The following BNC2 variants were observed in gnomAD, a reference collection of about 807,000 sequenced individuals.
The protein encoded by BNC2 is zinc finger protein basonuclin-2.
A neutral mutation model predicts 76.3 loss-of-function variants in BNC2; 20 were observed. The observed-to-expected ratio is 0.26, with a 90% CI of 0.18 to 0.38. The LOEUF (loss-of-function observed/expected upper bound fraction) is 0.38, where lower values mean the gene tolerates loss of function less well. Ranked by LOEUF, BNC2 falls within the 10% of genes least tolerant of loss-of-function variation. The pLI, the probability that BNC2 is intolerant of heterozygous loss-of-function variation, is 1.00. For missense variants in BNC2, 1,382 were observed against 1,399.8 expected (o/e 0.99, Z 0.20); for synonymous variants, 582 against 514.8 (o/e 1.13, Z -1.77).
At chr9:16,519,307 T>C (rs2132047824) in intron 5 of BNC2, among the ~76,000 whole-genome samples, 1 of 152,314 alleles carries the variant, frequency 6.6e-6, no homozygotes, top group South Asian at 2.1e-4. Flanking sequence ...GGAGTAGCCC[T>C]AGTTGAATGG....
At chr9:16,630,746 T>A (rs1821136890) in intron 3 of BNC2, among the ~76,000 whole-genome samples, 1 of 121,508 alleles carries the variant, frequency 8.2e-6, no homozygotes, top group Non-Finnish European at 1.6e-5. Flanking sequence ...ATGTGGAGCG[T>A]TTCTTTTTTT....
At chr9:16,532,748 T>C (rs1437238072) in intron 5 of BNC2, among the ~76,000 whole-genome samples, 1 of 152,270 alleles carries the variant, frequency 6.6e-6, no homozygotes, top group Non-Finnish European at 1.5e-5. Flanking sequence ...TTTACTATTA[T>C]CTGTGCTCTG....
intron 1 of BNC2, among the ~76,000 whole-genome samples, chr9:16,838,590 A>G (rs1358478843): frequency 1.3e-5 from 2 of 152,196 alleles, no homozygotes; most frequent in South Asian, 2.1e-4. Flanking sequence ...TTGTTACCTC[A>G]AATGTTTTAG....
At chr9:16,698,699 A>AC (rs1457206961) in intron 3 of BNC2, among the ~76,000 whole-genome samples, 1 of 152,186 alleles carries the variant, frequency 6.6e-6, no homozygotes, top group Admixed American at 6.5e-5. Flanking sequence ...CATCTCAAAA[A>AC]AAAAAGCCAT....
In BNC2 at chr9:16,422,806, C is replaced by A. The variant is rs555147222; in HGVS notation, c.2640-3157G>T. Among the ~76,000 whole-genome samples, 10 of 152,324 alleles carry A rather than the reference C, an allele frequency of 6.6e-5. No individual in the cohort carries two copies. In the East Asian group the frequency reaches 1.9e-3, roughly 29 times the overall value. ...TCTCCAAAGAAGGGACAAAAGACAG[C>A]ACTTGATTTTAACAAAGACCTATTG... is the stretch of plus-strand genomic sequence containing the variant. On this transcript the variant is annotated intron_variant, in intron 6 of 6. Transcript: ENST00000380672.
chr9:16,776,045 G>T (rs181179842), intron 1 of BNC2, among the ~76,000 whole-genome samples: 1 of 152,260 alleles, frequency 6.6e-6, no homozygotes, highest in East Asian at 1.9e-4. Context: ...GCACTTCTAC[G>T]CTGACTTTCA....
intron 4 of BNC2, among the ~76,000 whole-genome samples, chr9:16,575,700 G>A (rs1372765490): frequency 1.3e-5 from 2 of 152,102 alleles, no homozygotes; most frequent in African/African-American, 4.8e-5. Context: ...GTGCCCTCAG[G>A]TCAAGCCCAA....
At chr9:16,429,880 C>T (rs772820825) in intron 6 of BNC2, 1 of 486,330 alleles carries the variant, frequency 2.1e-6, no homozygotes. Context: ...ACGAGCTTGT[C>T]TTGCATCCAG....
At chr9:16,593,531 C>CGT (rs60449137) in intron 3 of BNC2, among the ~76,000 whole-genome samples, 14,998 of 150,968 alleles carry the variant, frequency 0.099, 989 homozygotes, top group African/African-American at 0.19. Flanking sequence ...CTTTGGAGTG[C>CGT]GTGTGTGTGT....
chr9:16,721,531 C>G (rs904796170), intron 3 of BNC2, among the ~76,000 whole-genome samples: 1 of 152,110 alleles, frequency 6.6e-6, no homozygotes, highest in African/African-American at 2.4e-5. Flanking sequence ...ATCTTCTGAC[C>G]AAGGTCTGGA....
At chr9:16,583,976 A>G (rs1819700318) in intron 3 of BNC2, among the ~76,000 whole-genome samples, 1 of 152,184 alleles carries the variant, frequency 6.6e-6, no homozygotes, top group Non-Finnish European at 1.5e-5. Context: ...ATGAATAAAA[A>G]CCTATGTTTA....
chr9:16,755,462 A>G (rs1825356653), intron 1 of BNC2, among the ~76,000 whole-genome samples: 1 of 152,172 alleles, frequency 6.6e-6, no homozygotes, highest in Non-Finnish European at 1.5e-5. Flanking sequence ...GAAAGTGTCG[A>G]CCACTGCTGC....
At chr9:16,788,718 T>C (rs966689909) in intron 1 of BNC2, among the ~76,000 whole-genome samples, 5 of 152,056 alleles carry the variant, frequency 3.3e-5, no homozygotes, top group Non-Finnish European at 7.4e-5. Context: ...CTAGCAAATT[T>C]GATCCTGGCA....
At chr9:16,863,304 CA>C (rs1318497351) in intron 1 of BNC2, among the ~76,000 whole-genome samples, 1 of 152,198 alleles carries the variant, frequency 6.6e-6, no homozygotes, top group African/African-American at 2.4e-5. Flanking sequence ...TTTAGCATCC[CA>C]CCTGGGGGAA....
rs768983960 is a variant in BNC2 at position 16,810,021 on chromosome 9, G to T, written c.3+60625C>A. Among the ~76,000 whole-genome samples the T allele has an allele frequency of 2.5e-4, 38 of 152,230 alleles. 1 individual carries two copies. The highest frequency in any genetic ancestry group is 5.1e-4 in the Non-Finnish European group (35 of 68,034). On this transcript the variant is annotated intron_variant, in intron 1 of 6. Coordinates refer to ENST00000380672, the MANE Select transcript of BNC2 (RefSeq NM_017637.6). ...CCCTCTAGGATGATAAAATGCAAAG[G>T]TATGATTAAAGAAGCTCTTTAGTCT...
At chr9:16,766,515 C>G (rs1199147571) in intron 1 of BNC2, among the ~76,000 whole-genome samples, 1 of 152,180 alleles carries the variant, frequency 6.6e-6, no homozygotes, top group Admixed American at 6.5e-5. Context: ...TGAAAAATTT[C>G]TATCTAACTA....
chr9:16,788,437 C>T (rs994875031), intron 1 of BNC2, among the ~76,000 whole-genome samples: 3 of 151,582 alleles, frequency 2.0e-5, no homozygotes, highest in Admixed American at 1.3e-4. Context: ...CCTGTAATTC[C>T]AGCTACTCGG....
chr9:16,577,459 T>G (rs1819517722), intron 4 of BNC2, among the ~76,000 whole-genome samples: 1 of 152,134 alleles, frequency 6.6e-6, no homozygotes, highest in African/African-American at 2.4e-5. Context: ...TGATACTAAA[T>G]TAACTTTATA....
At chr9:16,849,612 G>T (rs949978526) in intron 1 of BNC2, among the ~76,000 whole-genome samples, 1 of 152,006 alleles carries the variant, frequency 6.6e-6, no homozygotes, top group Non-Finnish European at 1.5e-5. Flanking sequence ...ACTCGCCTCT[G>T]CCTCCCAAAG....
Sources: allele counts gnomAD v4.1 joint callset (sites outside exome capture counted in the v4.1 genomes callset), GRCh38; gene constraint gnomAD v4.1.1; transcripts MANE v1.5; gene names NCBI Gene and HGNC (gene_info 2026-07-23, HGNC 2026-07-21).